ERI3: variants seen among roughly 807,000 people sequenced by gnomAD.
ERI3 encodes the protein ERI1 exoribonuclease 3.
ERI3 carries 18 observed loss-of-function variants against 44.4 expected under a neutral mutation model. The observed-to-expected ratio is 0.41, with a 90% confidence interval of 0.28 to 0.60. ERI3 has a LOEUF of 0.60. Ranked by LOEUF, ERI3 falls within the 20% of genes least tolerant of loss-of-function variation. The pLI is 0.36. For synonymous variants in ERI3, 183 were observed against 164.8 expected, an observed-to-expected ratio of 1.11 and a Z score of -0.84; for missense variants, 294 against 435.5, an observed-to-expected ratio of 0.68 and a Z score of 2.89.
intron 1 of ERI3, chr1:44,353,470 C>T (rs1415451646): frequency 1.0e-6 from 1 of 985,296 alleles, no homozygotes; most frequent in African/African-American, 1.7e-5. Flanking sequence ...TTCATATCCT[C>T]CAAAGGACCA....
chr1:44,316,207 A>G (rs1443886032), intron 4 of ERI3, among the ~76,000 whole-genome samples: 1 of 152,210 alleles, frequency 6.6e-6, no homozygotes, highest in Non-Finnish European at 1.5e-5. Context: ...ACTCCTTACA[A>G]TGAAAGGTAC....
chr1:44,266,849 G>C (rs1321674685), intron 7 of ERI3, among the ~76,000 whole-genome samples: 2 of 152,222 alleles, frequency 1.3e-5, no homozygotes, highest in Admixed American at 6.5e-5. Flanking sequence ...CCTTACGCAG[G>C]TTCTGTTTGG....
rs1646971944 is a variant in ERI3, at chr1:44,355,057, C to T, written c.-31G>A. The T allele has an allele frequency of 7.4e-7, 1 of 1,351,982 alleles. No homozygotes were observed. Among genetic ancestry groups the T allele is most frequent in the Non-Finnish European group, 9.5e-7 (1 of 1,047,812 alleles). 83.7% of individuals were successfully genotyped at this position (1,351,982 alleles called of 1,614,324 possible). On this transcript the variant is annotated 5_prime_UTR_variant, in exon 1 of 9. Transcript: ENST00000372257. ...CGCCCCCTCCTCGGGGCCAGCGCGGCAGGCTCCCTCCAGGTGCAGGCCCCG... is the reference window on the plus strand; with the variant it reads ...CGCCCCCTCCTCGGGGCCAGCGCGGTAGGCTCCCTCCAGGTGCAGGCCCCG...
chr1:44,308,417 G>GA lies in ERI3; in HGVS notation c.667-17dup. On this transcript the variant is annotated splice_polypyrimidine_tract_variant and intron_variant, in intron 5 of 8. Transcript: ENST00000372257. ...CATCGACCCTCTGAAAAGTACACAAGAACAAATGAGATTTTCCTTTTTTTT... is the reference window on the plus strand; with the variant it reads ...CATCGACCCTCTGAAAAGTACACAAGAAACAAATGAGATTTTCCTTTTTTTT... The GA allele has an allele frequency of 1.2e-6, 2 of 1,607,820 alleles. No individual in the cohort carries two copies. The highest frequency in any genetic ancestry group is 1.7e-6 in the Non-Finnish European group (2 of 1,174,342).
At chr1:44,318,466 A>AC (rs1557847519) in intron 4 of ERI3, among the ~76,000 whole-genome samples, 2 of 152,344 alleles carry the variant, frequency 1.3e-5, no homozygotes. Flanking sequence ...GAAAGGGGAA[A>AC]CCCCGGCAGA....
intron 6 of ERI3, among the ~76,000 whole-genome samples, chr1:44,294,416 C>T (rs957837197): frequency 6.6e-6 from 1 of 152,228 alleles, no homozygotes; most frequent in African/African-American, 2.4e-5. Flanking sequence ...ATGAAGCATA[C>T]AAGTGCCACA....
Position 44,339,178 on chromosome 1 carries a change from G to A in ERI3, c.356C>T (p.Ser119Phe). The A allele has an allele frequency of 6.2e-7, 1 of 1,614,052 alleles. No homozygotes were observed. The highest frequency in any genetic ancestry group is 8.5e-7 in the Non-Finnish European group (1 of 1,180,008). The change falls in exon 3 of 9, where the codon TCC becomes TTC. Residue 119 changes from serine (S) to phenylalanine (F), a missense_variant. Ser to Phe is a radical substitution (Grantham distance 155). Transcript: ENST00000372257. ...PCGVPEFCSI[S>F]TRKLAAHGFG... ...GCCGTGGGCCGCCAGCTTTCTGGTG[G>A]ATATGGAGCAGAACTCCGGAACACC...
intron 7 of ERI3, among the ~76,000 whole-genome samples, chr1:44,281,587 C>T (rs549932090): frequency 1.0e-3 from 56 of 54,526 alleles, no homozygotes; most frequent in African/African-American, 4.8e-3. Flanking sequence ...GACCCCGTCT[C>T]GAAAAAAAAA....
intron 7 of ERI3, among the ~76,000 whole-genome samples, chr1:44,276,305 T>C (rs1172323580): frequency 1.3e-5 from 2 of 152,254 alleles, no homozygotes; most frequent in Non-Finnish European, 2.9e-5. Context: ...CAGAGGGAAT[T>C]CCACACAATT....
At chr1:44,340,500 G>C (rs1646631687) in intron 2 of ERI3, among the ~76,000 whole-genome samples, 1 of 152,186 alleles carries the variant, frequency 6.6e-6, no homozygotes, top group Non-Finnish European at 1.5e-5. Flanking sequence ...ACATAGGGTA[G>C]AGGGATAGCA....
rs571263785 is a variant in ERI3 at position 44,328,925 on chromosome 1, G to A, written c.490-9181C>T. On this transcript the variant is annotated intron_variant, in intron 3 of 8. Coordinates refer to ENST00000372257, the MANE Select transcript of ERI3 (RefSeq NM_024066.3). Reference sequence around the variant, plus strand: ...TCATCCTCCTTGCTGCCAAGAGCTAGGGCAGAAAAACAGGCCTGTCACATC... The same window carrying A: ...TCATCCTCCTTGCTGCCAAGAGCTAAGGCAGAAAAACAGGCCTGTCACATC... 7.6e-4 allele frequency among the ~76,000 whole-genome samples: 115 copies of A among 152,268 alleles called. 1 individual carries two copies. The highest frequency in any genetic ancestry group is 2.5e-3 in the African/African-American group (105 of 41,554).
chr1:44,263,999 T>C (rs1022181971), intron 7 of ERI3, among the ~76,000 whole-genome samples: 2 of 152,166 alleles, frequency 1.3e-5, no homozygotes, highest in Non-Finnish European at 2.9e-5. Flanking sequence ...AGAAGCCAGA[T>C]CCAAGTGATG....
intron 7 of ERI3, among the ~76,000 whole-genome samples, chr1:44,253,664 C>T (rs917034324): frequency 6.6e-6 from 1 of 152,228 alleles, no homozygotes; most frequent in Admixed American, 6.5e-5. Context: ...GCAGCTTCCA[C>T]CTCAATCACT....
chr1:44,328,994 T>C (rs1368396546), intron 3 of ERI3, among the ~76,000 whole-genome samples: 1 of 152,174 alleles, frequency 6.6e-6, no homozygotes, highest in African/African-American at 2.4e-5. Flanking sequence ...GTCAGGGAGC[T>C]AGCAAAAAGT....
intron 6 of ERI3, among the ~76,000 whole-genome samples, chr1:44,308,078 G>A (rs1183884623): frequency 2.0e-5 from 3 of 152,210 alleles, no homozygotes; most frequent in Non-Finnish European, 4.4e-5. Context: ...TGAGCAGTGA[G>A]ACCTGGCAAA....
At chr1:44,293,552 G>A (rs1205548450) in intron 6 of ERI3, among the ~76,000 whole-genome samples, 1 of 152,138 alleles carries the variant, frequency 6.6e-6, no homozygotes, top group Non-Finnish European at 1.5e-5. Context: ...CAGGCGAGGT[G>A]GGGTAAGAAA....
intron 7 of ERI3, among the ~76,000 whole-genome samples, chr1:44,277,574 AG>A (rs1645204153): frequency 6.6e-6 from 1 of 152,158 alleles, no homozygotes; most frequent in South Asian, 2.1e-4. Context: ...AAGGTCACTG[AG>A]GCCCTTGTTA....
chr1:44,260,320 T>C (rs1644868733), intron 7 of ERI3, among the ~76,000 whole-genome samples: 1 of 152,242 alleles, frequency 6.6e-6, no homozygotes, highest in Admixed American at 6.5e-5. Flanking sequence ...GTGTTGCTTC[T>C]GATCCTGCCT....
intron 3 of ERI3, among the ~76,000 whole-genome samples, chr1:44,336,209 C>T (rs1646533156): frequency 6.6e-6 from 1 of 152,182 alleles, no homozygotes; most frequent in South Asian, 2.1e-4. Context: ...AGAACCGGAC[C>T]TATGTTGACC....
Sources: allele counts gnomAD v4.1 joint callset (sites outside exome capture counted in the v4.1 genomes callset), GRCh38; gene constraint gnomAD v4.1.1; transcripts MANE v1.5; gene names NCBI Gene and HGNC (gene_info 2026-07-23, HGNC 2026-07-21).